Variants in DSCAM observed in about 807,000 individuals in gnomAD.
DSCAM encodes cell adhesion molecule DSCAM.
DSCAM carries 47 observed loss-of-function variants against 217.7 expected under a neutral mutation model. The observed-to-expected ratio is 0.22, with a 90% CI of 0.17 to 0.28. The LOEUF (loss-of-function observed/expected upper bound fraction) is 0.28, where lower values mean the gene tolerates loss of function less well. DSCAM is among the 10% of genes least tolerant of loss of function. DSCAM has a pLI of 1.00. For synonymous variants in DSCAM, 1,056 were observed against 1,015.3 expected (o/e 1.04, Z -0.76); for missense variants, 2,080 against 2,618.3 (o/e 0.79, Z 4.49).
chr21:40,267,217 A>T (rs1376959344), intron 11 of DSCAM, among the ~76,000 whole-genome samples: 4 of 146,952 alleles, frequency 2.7e-5, no homozygotes. Context: ...GTAACAGGTC[A>T]TCTGGACACC....
At chr21:40,444,885 T>C (rs2075661651) in intron 3 of DSCAM, among the ~76,000 whole-genome samples, 1 of 152,224 alleles carries the variant, frequency 6.6e-6, no homozygotes, top group Non-Finnish European at 1.5e-5. Flanking sequence ...TCACTGTCCA[T>C]CCCACATTCT....
intron 30 of DSCAM, among the ~76,000 whole-genome samples, chr21:40,051,456 T>C (rs1251492212): frequency 6.6e-6 from 1 of 152,202 alleles, no homozygotes; most frequent in Non-Finnish European, 1.5e-5. Context: ...TGGGGATAGA[T>C]GGGTCTGTTT....
At chr21:40,510,033 A>G (rs1250466425) in intron 3 of DSCAM, among the ~76,000 whole-genome samples, 1 of 152,188 alleles carries the variant, frequency 6.6e-6, no homozygotes, top group Non-Finnish European at 1.5e-5. Flanking sequence ...CTGAGGCAGG[A>G]GAATCACTTG....
chr21:40,687,013 T>A (rs1017252684), intron 3 of DSCAM, among the ~76,000 whole-genome samples: 1 of 152,232 alleles, frequency 6.6e-6, no homozygotes, highest in Non-Finnish European at 1.5e-5. Context: ...ACATGACATC[T>A]CTGTGCCTTT....
At chr21:40,351,559 G>A (rs957036474) in intron 5 of DSCAM, among the ~76,000 whole-genome samples, 1 of 152,160 alleles carries the variant, frequency 6.6e-6, no homozygotes, top group Admixed American at 6.5e-5. Context: ...AAAGGGAAGA[G>A]CTTGACAAGA....
intron 4 of DSCAM, among the ~76,000 whole-genome samples, chr21:40,360,910 G>C (rs970156183): frequency 6.6e-6 from 1 of 152,124 alleles, no homozygotes; most frequent in Non-Finnish European, 1.5e-5. Flanking sequence ...CACAATGGCA[G>C]GACTAAGTTA....
intron 3 of DSCAM, among the ~76,000 whole-genome samples, chr21:40,651,452 G>A (rs2090012571): frequency 6.6e-6 from 1 of 152,134 alleles, no homozygotes; most frequent in Non-Finnish European, 1.5e-5. Flanking sequence ...CCAAGGATTG[G>A]GAAGTCTTCA....
Position 40,347,885 on chromosome 21 carries a change from G to C in DSCAM, c.995C>G (p.Ser332Cys), listed in dbSNP as rs267606132. 1 of 1,614,028 alleles carries C rather than the reference G, an allele frequency of 6.2e-7. No individual in the cohort carries two copies. The highest frequency in any genetic ancestry group is 8.5e-7 in the Non-Finnish European group (1 of 1,179,962). ...KVKSSVGSQV[S>C]LSCSVTGTED... Reference sequence around the variant, plus strand: ...AGTTCCTGTCACGCTGCAGGACAAGGAAACTTGGCTACCCACGCTGCTTTT... The same window carrying C: ...AGTTCCTGTCACGCTGCAGGACAAGCAAACTTGGCTACCCACGCTGCTTTT... The change falls in exon 6 of 33, where the codon TCC (serine) becomes TGC (cysteine). Residue 332 changes from serine (S) to cysteine (C), a missense_variant. By Grantham distance (112) the Ser-to-Cys change is moderately radical. Coordinates refer to ENST00000400454, the MANE Select transcript of DSCAM (RefSeq NM_001389.5).
intron 27 of DSCAM, among the ~76,000 whole-genome samples, chr21:40,065,779 A>C (rs967735925): frequency 2.0e-5 from 3 of 152,116 alleles, no homozygotes; most frequent in African/African-American, 7.2e-5. Flanking sequence ...TGGTGTGCCC[A>C]ACACTGATAC....
At chr21:40,062,415 T>C (rs2146519302) in intron 28 of DSCAM, among the ~76,000 whole-genome samples, 1 of 152,318 alleles carries the variant, frequency 6.6e-6, no homozygotes, top group East Asian at 1.9e-4. Flanking sequence ...TAAGAGGAGC[T>C]GAAGGGTGCC....
At chr21:40,796,759 A>G (rs995904740) in intron 1 of DSCAM, among the ~76,000 whole-genome samples, 1 of 152,198 alleles carries the variant, frequency 6.6e-6, no homozygotes, top group African/African-American at 2.4e-5. Context: ...GAATGTCACA[A>G]TAAAATATGA....
At chr21:40,240,888 A>G (rs2073143949) in intron 11 of DSCAM, among the ~76,000 whole-genome samples, 2 of 152,216 alleles carry the variant, frequency 1.3e-5, no homozygotes, top group Admixed American at 6.5e-5. Flanking sequence ...CATCTTACCC[A>G]CAGAAAATGA....
chr21:40,660,176 G>A (rs1270453901), intron 3 of DSCAM, among the ~76,000 whole-genome samples: 1 of 152,172 alleles, frequency 6.6e-6, no homozygotes, highest in African/African-American at 2.4e-5. Context: ...TTAATGAGCA[G>A]CAGAAAGATA....
At chr21:40,213,791 G>A (rs186180773) in intron 11 of DSCAM, among the ~76,000 whole-genome samples, 34 of 152,238 alleles carry the variant, frequency 2.2e-4, no homozygotes, top group African/African-American at 8.2e-4. Context: ...CAGGATCATG[G>A]GTTTTGACTA....
intron 3 of DSCAM, among the ~76,000 whole-genome samples, chr21:40,542,940 T>C (rs1335182169): frequency 6.6e-6 from 1 of 151,820 alleles, no homozygotes; most frequent in African/African-American, 2.4e-5. Context: ...TTCTGAATAC[T>C]GGCCCCTCAC....
At chr21:40,466,999 A>G (rs936847477) in intron 3 of DSCAM, among the ~76,000 whole-genome samples, 3 of 152,204 alleles carry the variant, frequency 2.0e-5, no homozygotes, top group African/African-American at 7.2e-5. Context: ...TTAAATGCCT[A>G]TACTTTCAAG....
chr21:40,709,608 T>C (rs9754313), intron 1 of DSCAM, among the ~76,000 whole-genome samples: 28,197 of 152,032 alleles, frequency 0.19, 2,995 homozygotes, highest in African/African-American at 0.29. Flanking sequence ...TCTGTTCCTG[T>C]GTTAGTTTGT....
chr21:40,548,721 A>C (rs1185479618), intron 3 of DSCAM, among the ~76,000 whole-genome samples: 2 of 152,130 alleles, frequency 1.3e-5, no homozygotes, highest in Non-Finnish European at 2.9e-5. Flanking sequence ...GCCTTTCTAC[A>C]TCCTCAACAG....
chr21:40,228,095 T>C (rs1245913491), intron 11 of DSCAM, among the ~76,000 whole-genome samples: 1 of 152,182 alleles, frequency 6.6e-6, no homozygotes, highest in Non-Finnish European at 1.5e-5. Context: ...GCTGAGGTTA[T>C]GAGAGTTTTG....
Sources: allele counts gnomAD v4.1 joint callset (sites outside exome capture counted in the v4.1 genomes callset), GRCh38; gene constraint gnomAD v4.1.1; transcripts MANE v1.5; gene names NCBI Gene and HGNC (gene_info 2026-07-23, HGNC 2026-07-21).